Variants in PDSS2 observed in about 807,000 individuals in gnomAD.
PDSS2 encodes the protein decaprenyl diphosphate synthase subunit 2, also known as all trans-polyprenyl-diphosphate synthase PDSS2.
PDSS2 carries 31 observed loss-of-function variants against 44.5 expected under a neutral mutation model. That is an observed-to-expected ratio of 0.70 (90% CI 0.52 to 0.94). The LOEUF is 0.94. PDSS2 is among the 40% of genes least tolerant of loss of function. PDSS2 has a pLI of 0.00. For missense variants in PDSS2, 452 were observed against 482.2 expected (o/e 0.94, Z 0.59); for synonymous variants, 157 against 180.3 (o/e 0.87, Z 1.03).
At chr6:107,227,278 C>CTTTTTTTTTTTTTTTTTTTTT (rs60988844) in intron 4 of PDSS2, among the ~76,000 whole-genome samples, 1 of 102,812 alleles carries the variant, frequency 9.7e-6, no homozygotes, top group Non-Finnish European at 2.0e-5. Context: ...CCACTGTGCC[C>CTTTTTTTTTTTTTTTTTTTTT]TTTTTTTTTT....
intron 2 of PDSS2, among the ~76,000 whole-genome samples, chr6:107,333,675 A>G (rs1777782481): frequency 6.6e-6 from 1 of 152,200 alleles, no homozygotes; most frequent in Non-Finnish European, 1.5e-5. Context: ...AACAGGGACT[A>G]CAGGCACATA....
At chr6:107,324,361 C>T (rs1582942506) in intron 2 of PDSS2, among the ~76,000 whole-genome samples, 2 of 152,158 alleles carry the variant, frequency 1.3e-5, no homozygotes, top group African/African-American at 4.8e-5. Flanking sequence ...TTCAATTATT[C>T]TGCATAATCA....
intron 1 of PDSS2, among the ~76,000 whole-genome samples, chr6:107,426,938 G>C (rs1284878838): frequency 5.3e-5 from 8 of 152,126 alleles, no homozygotes; most frequent in African/African-American, 1.9e-4. Context: ...TTACTGGACT[G>C]TGGGCTTTTG....
intron 4 of PDSS2, among the ~76,000 whole-genome samples, chr6:107,233,772 C>T (rs1054237838): frequency 3.3e-5 from 5 of 152,168 alleles, no homozygotes; most frequent in South Asian, 2.1e-4. Flanking sequence ...ATGATTGCAT[C>T]ACTGCACTCT....
chr6:107,168,914 T>C (rs1554248027), intron 7 of PDSS2, among the ~76,000 whole-genome samples: 1 of 152,184 alleles, frequency 6.6e-6, no homozygotes, highest in African/African-American at 2.4e-5. Flanking sequence ...TTAACATTTT[T>C]TCCTTCATTT....
At chr6:107,324,115 T>G (rs1045966446) in intron 2 of PDSS2, among the ~76,000 whole-genome samples, 2 of 152,242 alleles carry the variant, frequency 1.3e-5, no homozygotes, top group Non-Finnish European at 2.9e-5. Context: ...TTGCTGCATT[T>G]GTGCATGCTG....
chr6:107,206,883 A>G (rs1772995438), intron 6 of PDSS2, among the ~76,000 whole-genome samples: 1 of 152,108 alleles, frequency 6.6e-6, no homozygotes. Context: ...AACAGTCTCA[A>G]CCTGCAAGAC....
At chr6:107,389,824 C>A (rs1256229834) in intron 1 of PDSS2, among the ~76,000 whole-genome samples, 2 of 147,968 alleles carry the variant, frequency 1.4e-5, no homozygotes, top group Admixed American at 6.8e-5. Flanking sequence ...AAAACAAAAA[C>A]AAACAAACAA....
chr6:107,458,099 G>T (rs746026628), intron 1 of PDSS2, among the ~76,000 whole-genome samples: 1 of 152,050 alleles, frequency 6.6e-6, no homozygotes, highest in Non-Finnish European at 1.5e-5. Flanking sequence ...TAAAGAGTAT[G>T]CAAGTGTGTT....
At chr6:107,292,792 T>C (rs1776388597) in intron 2 of PDSS2, among the ~76,000 whole-genome samples, 1 of 152,186 alleles carries the variant, frequency 6.6e-6, no homozygotes, top group East Asian at 1.9e-4. Context: ...AGCTAACTAA[T>C]AATAATCTCT....
intron 3 of PDSS2, chr6:107,264,355 T>G: frequency 6.5e-7 from 1 of 1,534,382 alleles, no homozygotes. Context: ...AGAGTACATC[T>G]GTGCCACTGG....
chr6:107,346,407 C>T (rs1256198638), intron 1 of PDSS2, among the ~76,000 whole-genome samples: 5 of 152,144 alleles, frequency 3.3e-5, no homozygotes, highest in Admixed American at 1.3e-4. Flanking sequence ...GATACTGAGG[C>T]TCATAGGAAT....
At chr6:107,310,095 C>T (rs1486744964) in intron 2 of PDSS2, among the ~76,000 whole-genome samples, 1 of 151,942 alleles carries the variant, frequency 6.6e-6, no homozygotes, top group Non-Finnish European at 1.5e-5. Context: ...ACCATCCTGG[C>T]TAACACGGTG....
intron 2 of PDSS2, among the ~76,000 whole-genome samples, chr6:107,310,664 T>G (rs1206923942): frequency 1.3e-5 from 2 of 152,186 alleles, no homozygotes; most frequent in Non-Finnish European, 2.9e-5. Context: ...GACCTCCAAC[T>G]ACCTTCCTTT....
intron 1 of PDSS2, among the ~76,000 whole-genome samples, chr6:107,417,580 G>A (rs1395482862): frequency 6.6e-6 from 1 of 152,126 alleles, no homozygotes; most frequent in Non-Finnish European, 1.5e-5. Context: ...CCAACATGGT[G>A]AAACCCCATC....
chr6:107,313,370 T>C (rs1241803405), intron 2 of PDSS2, among the ~76,000 whole-genome samples: 1 of 152,202 alleles, frequency 6.6e-6, no homozygotes, highest in Non-Finnish European at 1.5e-5. Context: ...ATTTATTTAT[T>C]GAGACAGAGT....
chr6:107,297,528 G>T (rs1193371226), intron 2 of PDSS2, among the ~76,000 whole-genome samples: 1 of 151,438 alleles, frequency 6.6e-6, no homozygotes, highest in South Asian at 2.1e-4. Context: ...GGTTACAGGC[G>T]TCCGTCACCA....
intron 1 of PDSS2, among the ~76,000 whole-genome samples, chr6:107,427,684 T>C (rs1316477795): frequency 6.6e-6 from 1 of 152,234 alleles, no homozygotes; most frequent in African/African-American, 2.4e-5. Context: ...CTATTGTTTG[T>C]CATTCCATCC....
intron 2 of PDSS2, among the ~76,000 whole-genome samples, chr6:107,328,219 G>A (rs1199497849): frequency 3.9e-5 from 6 of 152,188 alleles, no homozygotes; most frequent in African/African-American, 9.7e-5. Flanking sequence ...GGTTCTCGAT[G>A]TATTAACTTA....
Sources: gnomAD v4.1 joint callset for allele counts (sites outside exome capture counted in the v4.1 genomes callset) on GRCh38, gnomAD v4.1.1 for gene constraint, MANE v1.5 for transcripts, NCBI Gene and HGNC (gene_info 2026-07-23, HGNC 2026-07-21) for gene names.